CCDC57: variants seen among roughly 807,000 people sequenced by gnomAD.
The protein encoded by CCDC57 is coiled-coil domain containing 57, also known as coiled-coil domain-containing protein 57.
Under a neutral mutation model 118.9 loss-of-function variants are expected in CCDC57, and 118 were observed. The ratio of observed to expected loss-of-function variants is 0.99; its 90% CI spans 0.86 to 1.16. The LOEUF is 1.16. Ranked by LOEUF, CCDC57 falls within the 50% of genes most tolerant of loss-of-function variation. The pLI is 0.00. For missense variants in CCDC57, 1,300 were observed against 1,320.7 expected, an observed-to-expected ratio of 0.98 and a Z score of 0.24; for synonymous variants, 527 against 532.9, an observed-to-expected ratio of 0.99 and a Z score of 0.15.
At chr17:82,113,812 G>T (rs1370331303) in intron 19 of CCDC57, 5 of 622,810 alleles carry the variant, frequency 8.0e-6, no homozygotes, top group Non-Finnish European at 1.4e-5. Context: ...CAGCTATGGT[G>T]ATGTGCACCT....
At chr17:82,107,774 T>G (rs184433071) in intron 19 of CCDC57, among the ~76,000 whole-genome samples, 33 of 152,238 alleles carry the variant, frequency 2.2e-4, no homozygotes, top group Admixed American at 2.2e-3. Flanking sequence ...GGCGTCCACC[T>G]GAGATGGGAC....
exon 17 of CCDC57, chr17:82,134,175 G>A: frequency 2.2e-6 from 3 of 1,335,782 alleles, no homozygotes; most frequent in Non-Finnish European, 2.9e-6. Context: ...CAGGAGGGAG[G>A]GCGTGGTGCA....
At chr17:82,167,759 G>T (rs2044181934) in intron 13 of CCDC57, among the ~76,000 whole-genome samples, 1 of 152,072 alleles carries the variant, frequency 6.6e-6, no homozygotes, top group Non-Finnish European at 1.5e-5. Flanking sequence ...GGGATTACAG[G>T]TGTGCGCCAC....
chr17:82,151,885 G>T, intron 15 of CCDC57, 112 bp from the exon 15 acceptor site: 1 of 856,182 alleles, frequency 1.2e-6, no homozygotes, highest in Non-Finnish European at 1.8e-6. Context: ...GGGCACTGCT[G>T]GCTGTCACTG....
chr17:82,134,087 G>A, exon 17 of CCDC57: 1 of 1,414,010 alleles, frequency 7.1e-7, no homozygotes, highest in Non-Finnish European at 9.2e-7. Flanking sequence ...GATGTAAAAT[G>A]GGGCTGCACC....
At chr17:82,198,150 A>G (rs1324012233) in intron 4 of CCDC57, among the ~76,000 whole-genome samples, 164 bp downstream of exon 3, 1 of 152,236 alleles carries the variant, frequency 6.6e-6, no homozygotes, top group Non-Finnish European at 1.5e-5. Flanking sequence ...GTTTCCCTGC[A>G]GACCATCCCA....
chr17:82,181,457 C>T (rs2046200131), intron 9 of CCDC57, among the ~76,000 whole-genome samples: 1 of 152,214 alleles, frequency 6.6e-6, no homozygotes, highest in African/African-American at 2.4e-5. Flanking sequence ...GTCAAGCTGC[C>T]ATGTAAATAC....
chr17:82,141,169 C>T (rs1383058958), intron 16 of CCDC57, among the ~76,000 whole-genome samples: 1 of 140,158 alleles, frequency 7.1e-6, no homozygotes, highest in Non-Finnish European at 1.5e-5. Flanking sequence ...TGCCACCACG[C>T]CCGGCTAATT....
rs550528703 is a variant in CCDC57, at chr17:82,126,423, C to T, written c.2899+1269G>A. ...GAGAAAACATTTAAATTGTTGTCAC[C>T]GAAAAGGCCTAATTTCTATCACATA... is the stretch of plus-strand genomic sequence containing the variant. On this transcript the variant is annotated intron_variant, in intron 19 of 19. Transcript: ENST00000665763. 226 of 982,962 alleles carry T rather than the reference C, an allele frequency of 2.3e-4. 3 individuals are homozygous for T. In the South Asian group the frequency reaches 5.9e-3, roughly 26 times the overall value. The allele number at this position is 982,962 out of a possible 1,614,324, so 60.9% of individuals were successfully genotyped here. A position where few individuals can be genotyped will look rare whatever the true frequency, so the allele number is the denominator to read the frequency against.
intron 19 of CCDC57, chr17:82,113,006 T>C (rs570758047): frequency 4.3e-6 from 1 of 230,134 alleles, no homozygotes; most frequent in Non-Finnish European, 8.5e-6. Flanking sequence ...AGAATAAATA[T>C]TATCAGAAAG....
chr17:82,129,658 C>T (rs867232757), intron 17 of CCDC57, among the ~76,000 whole-genome samples: 12 of 152,242 alleles, frequency 7.9e-5, no homozygotes, highest in Middle Eastern at 3.4e-3. Context: ...CTGATCAGAC[C>T]CTTTGCCTGT....
At chr17:82,160,245 G>A (rs745735799) in intron 14 of CCDC57, 1 of 152,328 alleles carries the variant, frequency 6.6e-6, no homozygotes, top group Non-Finnish European at 1.5e-5. Context: ...AGAAGCACAA[G>A]CAACAGGAGA....
intron 19 of CCDC57, among the ~76,000 whole-genome samples, chr17:82,104,639 C>T (rs916837408): frequency 2.6e-5 from 4 of 152,318 alleles, no homozygotes; most frequent in African/African-American, 7.2e-5. Flanking sequence ...CCCGGGTTCA[C>T]GCCATTCTCC....
intron 2 of CCDC57, among the ~76,000 whole-genome samples, chr17:82,203,647 T>C (rs1019214089): frequency 2.0e-5 from 3 of 152,162 alleles, no homozygotes; most frequent in African/African-American, 7.2e-5. Flanking sequence ...AGATAAAGTT[T>C]CTTCTGGCTG....
intron 19 of CCDC57, among the ~76,000 whole-genome samples, chr17:82,102,353 G>A (rs1298544316): frequency 2.0e-5 from 3 of 152,368 alleles, no homozygotes; most frequent in Non-Finnish European, 4.4e-5. Context: ...CAAAGGAAAG[G>A]CCGTGCTGGT....
intron 19 of CCDC57, among the ~76,000 whole-genome samples, chr17:82,109,932 T>TA (rs949049233): frequency 6.0e-5 from 9 of 150,560 alleles, no homozygotes; most frequent in Non-Finnish European, 7.4e-5. Flanking sequence ...AAGTAAAAAT[T>TA]AAAAAATAAA....
chr17:82,151,500 C>T (rs1482164707), intron 16 of CCDC57, 60 bp downstream of exon 15: 4 of 1,500,038 alleles, frequency 2.7e-6, no homozygotes, highest in Non-Finnish European at 3.6e-6. Flanking sequence ...CACCCAGAAC[C>T]AGGTGCACAC....
exon 13 of CCDC57, chr17:82,171,774 C>A: frequency 6.2e-7 from 1 of 1,613,952 alleles, no homozygotes; most frequent in Non-Finnish European, 8.5e-7. Flanking sequence ...AAGGATCCAA[C>A]ACATCTTCTA....
chr17:82,183,473 C>T (rs1420547719), intron 9 of CCDC57, among the ~76,000 whole-genome samples: 1 of 152,112 alleles, frequency 6.6e-6, no homozygotes, highest in Non-Finnish European at 1.5e-5. Flanking sequence ...GTGTGAGCCA[C>T]CACGCTTGGC....
Sources: allele counts gnomAD v4.1 joint callset (sites outside exome capture counted in the v4.1 genomes callset), GRCh38; gene constraint gnomAD v4.1.1; transcripts MANE v1.5; gene names NCBI Gene and HGNC (gene_info 2026-07-23, HGNC 2026-07-21).